CEMIP: variants seen among roughly 807,000 people sequenced by gnomAD.
CEMIP encodes the protein cell migration-inducing and hyaluronan-binding protein.
Under a neutral mutation model 156.9 loss-of-function variants are expected in CEMIP, and 105 were observed. The observed-to-expected ratio is 0.67, with a 90% CI of 0.57 to 0.79. The LOEUF (loss-of-function observed/expected upper bound fraction) is 0.79. Among genes scored for constraint, CEMIP ranks in the 30% least tolerant of loss-of-function variants. The pLI is 0.00. For missense variants in CEMIP, 1,457 were observed against 1,769.4 expected (o/e 0.82, Z 3.17); for synonymous variants, 676 against 668.4 (o/e 1.01, Z -0.17).
At chr15:80,798,055 G>GTACATGGTGCATGTGTATA (rs1896276877) in intron 1 of CEMIP, among the ~76,000 whole-genome samples, 1 of 152,124 alleles carries the variant, frequency 6.6e-6, no homozygotes, top group Non-Finnish European at 1.5e-5. Context: ...AAAAAAGAAT[G>GTACATGGTGCATGTGTATA]TACATGGTGC....
chr15:80,784,575 T>C (rs1276660891), intron 1 of CEMIP, among the ~76,000 whole-genome samples: 1 of 152,198 alleles, frequency 6.6e-6, no homozygotes, highest in African/African-American at 2.4e-5. Context: ...GGAGTGTTCC[T>C]TGGGGACTGC....
At position 80,949,490 on chromosome 15, in the gene CEMIP, C is replaced by T. The variant is rs1270810207; in HGVS notation, c.*566C>T. The stretch of plus-strand genomic sequence containing the variant: ...CAAGCCCTGCCTCTGGCCGTGTCCA[C>T]CTTTCAGGAGACTTTGAGTGGCAGG... On this transcript the variant is annotated 3_prime_UTR_variant, in exon 30 of 30. Transcript: ENST00000394685. 1 of 179,950 alleles carries T rather than the reference C, an allele frequency of 5.6e-6. No individual in the cohort carries two copies. The highest frequency in any genetic ancestry group is 1.3e-4 in the East Asian group (1 of 7,454). The allele number at this position is 179,950 out of a possible 1,614,324, so 11.1% of individuals were successfully genotyped here.
chr15:80,808,320 G>T (rs947421967), intron 1 of CEMIP, among the ~76,000 whole-genome samples: 1 of 152,188 alleles, frequency 6.6e-6, no homozygotes, highest in African/African-American at 2.4e-5. Flanking sequence ...CCTCACAGCT[G>T]TAAATGGAAG....
At chr15:80,934,019 CTTGT>C (rs534642980) in intron 23 of CEMIP, among the ~76,000 whole-genome samples, 232 of 152,204 alleles carry the variant, frequency 1.5e-3, no homozygotes, top group Non-Finnish European at 2.6e-3. Context: ...AAAAACACTT[CTTGT>C]TTTTTTTCTA....
intron 1 of CEMIP, among the ~76,000 whole-genome samples, chr15:80,816,736 G>A (rs9302298): frequency 0.2 from 30,236 of 152,002 alleles, 3,300 homozygotes; most frequent in East Asian, 0.38. Context: ...GACGGGCACT[G>A]GGAGAGAAGA....
intron 1 of CEMIP, among the ~76,000 whole-genome samples, chr15:80,796,918 A>G (rs1285486617): frequency 2.0e-5 from 3 of 152,210 alleles, no homozygotes; most frequent in Non-Finnish European, 4.4e-5. Flanking sequence ...TACAAAGTAT[A>G]GTAAGAATTT....
chr15:80,903,643 T>A (rs1320965647), intron 12 of CEMIP, among the ~76,000 whole-genome samples: 1 of 152,082 alleles, frequency 6.6e-6, no homozygotes, highest in Non-Finnish European at 1.5e-5. Flanking sequence ...CTCTTTGCCA[T>A]CCCCTGCCTG....
intron 1 of CEMIP, among the ~76,000 whole-genome samples, chr15:80,794,652 T>C (rs1896169657): frequency 1.3e-5 from 2 of 152,254 alleles, no homozygotes; most frequent in South Asian, 4.1e-4. Context: ...TTTTTTATAC[T>C]AAATCTTCAA....
intron 1 of CEMIP, among the ~76,000 whole-genome samples, chr15:80,792,814 G>C (rs191180657): frequency 1.0e-3 from 155 of 152,234 alleles, no homozygotes; most frequent in Non-Finnish European, 1.8e-3. Flanking sequence ...CCTCGGTGTG[G>C]TGTCTGTCAA....
Position 80,942,855 on chromosome 15 carries a change from GC to G in CEMIP, c.3700-88del. 9 of 1,480,536 alleles carry G rather than the reference GC, an allele frequency of 6.1e-6. No individual in the cohort carries two copies. In the South Asian group the frequency reaches 1.0e-4, roughly 17 times the overall value. 91.7% of individuals were successfully genotyped at this position (1,480,536 alleles called of 1,614,324 possible). ...TCAAATAGATGCATAGGCAACTTCT[GC>G]CTTCAGGGTCTGCTTGGGAACCACC... On this transcript the variant is annotated intron_variant, in intron 27 of 29. Transcript: ENST00000394685.
chr15:80,854,378 G>C (rs1311874619), intron 1 of CEMIP, among the ~76,000 whole-genome samples: 1 of 152,232 alleles, frequency 6.6e-6, no homozygotes. Context: ...TGGGAGACCA[G>C]GCTGAAGGCC....
At chr15:80,900,626 G>GTGTGTGTGTGTGTGTGTGTGTGTC (rs1343878070) in intron 12 of CEMIP, among the ~76,000 whole-genome samples, 2 of 130,054 alleles carry the variant, frequency 1.5e-5, no homozygotes, top group Non-Finnish European at 3.5e-5. Flanking sequence ...GTGTGTGTGT[G>GTGTGTGTGTGTGTGTGTGTGTGTC]TGTGTGTGTG....
chr15:80,833,194 C>T (rs1178298693), intron 1 of CEMIP, among the ~76,000 whole-genome samples: 1 of 152,186 alleles, frequency 6.6e-6, no homozygotes, highest in African/African-American at 2.4e-5. Flanking sequence ...TTAAAACCAA[C>T]ATGCCAATCT....
chr15:80,909,680 C>G (rs1899969548), intron 14 of CEMIP: 2 of 458,062 alleles, frequency 4.4e-6, no homozygotes, highest in African/African-American at 4.0e-5. Context: ...GGTATCTACC[C>G]AACAGATTTG....
At chr15:80,788,178 AT>A (rs540122340) in intron 1 of CEMIP, among the ~76,000 whole-genome samples, 371 of 152,108 alleles carry the variant, frequency 2.4e-3, no homozygotes, top group African/African-American at 8.7e-3. Context: ...ATTAAAATAA[AT>A]TTTTTTTAAG....
In CEMIP at chr15:80,832,270, T is replaced by G. The variant is rs79305191; in HGVS notation, c.-175-41268T>G. 8.5e-3 allele frequency among the ~76,000 whole-genome samples: 1,298 copies of G among 151,970 alleles called. 14 individuals carry two copies. Among genetic ancestry groups the G allele is most frequent in the African/African-American group, 0.03 (1,246 of 41,404 alleles). On this transcript the variant is annotated intron_variant, in intron 1 of 29. Coordinates refer to ENST00000394685, the MANE Select transcript of CEMIP (RefSeq NM_001293298.2). The stretch of plus-strand genomic sequence containing the variant: ...CTCTTTGATCTATGTTGCCTATGTG[T>G]TACTATACAGACAGGACTTCAGGTT...
intron 1 of CEMIP, among the ~76,000 whole-genome samples, chr15:80,849,794 G>A (rs1037456247): frequency 1.3e-5 from 2 of 152,196 alleles, no homozygotes; most frequent in African/African-American, 4.8e-5. Context: ...TGAAATACCC[G>A]AATGGGTGGG....
Position 80,929,093 on chromosome 15 carries a change from A to G in CEMIP, c.2531A>G (p.Asn844Ser). ...AGCTTGTTTGTTGGCGAGAGTGGCA[A>G]CGTGGGGACGGAAATGATGGACAAT... Reference protein sequence around the residue: ...KNSLFVGESGNVGTEMMDNRI... With the variant: ...KNSLFVGESGSVGTEMMDNRI... The change falls in exon 21 of 30, where the codon AAC (asparagine) becomes AGC (serine). Residue 844 changes from asparagine to serine, a missense_variant. Asn to Ser is a conservative substitution (Grantham distance 46). Transcript: ENST00000394685. 1 of 1,614,214 alleles carries G rather than the reference A, an allele frequency of 6.2e-7. No homozygotes were observed. The highest frequency in any genetic ancestry group is 8.5e-7 in the Non-Finnish European group (1 of 1,180,024).
intron 1 of CEMIP, among the ~76,000 whole-genome samples, chr15:80,835,673 A>G (rs901886863): frequency 1.3e-5 from 2 of 152,248 alleles, no homozygotes; most frequent in African/African-American, 4.8e-5. Flanking sequence ...AATGTCCTTG[A>G]GGACATTGTG....
Sources: allele counts gnomAD v4.1 joint callset (sites outside exome capture counted in the v4.1 genomes callset), GRCh38; gene constraint gnomAD v4.1.1; transcripts MANE v1.5; gene names NCBI Gene and HGNC (gene_info 2026-07-23, HGNC 2026-07-21).